Variants in ENPP6 observed in about 807,000 individuals in gnomAD.
The protein encoded by ENPP6 is ectonucleotide pyrophosphatase/phosphodiesterase 6, also known as glycerophosphocholine cholinephosphodiesterase ENPP6.
Under a neutral mutation model 42.0 loss-of-function variants are expected in ENPP6, and 32 were observed. That is an observed-to-expected ratio of 0.76 (90% CI 0.58 to 1.02). The LOEUF is 1.02. Ranked by LOEUF, ENPP6 falls within the 50% of genes least tolerant of loss-of-function variation. The probability of loss-of-function intolerance (pLI) is 0.00; values close to 1 mark genes in which losing one functional copy is unlikely to be tolerated. For synonymous variants in ENPP6, 213 were observed against 216.0 expected, an observed-to-expected ratio of 0.99 and a Z score of 0.12; for missense variants, 552 against 566.8, an observed-to-expected ratio of 0.97 and a Z score of 0.27.
In ENPP6 at chr4:184,130,526, C is replaced by T. The variant is rs1736583719; in HGVS notation, c.422-6254G>A. ...TGAGCCGAGATCACACCACTGCACT[C>T]CAGCCTGGGCCACAGAGCGAGACTC... On this transcript the variant is annotated intron_variant, in intron 2 of 7. Transcript: ENST00000296741. Among the ~76,000 whole-genome samples the T allele has an allele frequency of 2.5e-5, 2 of 80,078 alleles. 1 individual carries two copies. The highest frequency in any genetic ancestry group is 8.0e-4 in the South Asian group (2 of 2,508). 52.5% of individuals were successfully genotyped at this position (80,078 alleles called of 152,430 possible).
At chr4:184,098,835 C>G (rs1304951662) in intron 6 of ENPP6, among the ~76,000 whole-genome samples, 1 of 152,342 alleles carries the variant, frequency 6.6e-6, no homozygotes, top group Non-Finnish European at 1.5e-5. Flanking sequence ...ACGGCCCATC[C>G]TTGCTAGGCA....
chr4:184,131,300 C>T (rs897640837), intron 2 of ENPP6, among the ~76,000 whole-genome samples: 2 of 143,078 alleles, frequency 1.4e-5, no homozygotes, highest in Admixed American at 7.2e-5. Flanking sequence ...TCCTTCCTTC[C>T]TTCCTTCCTT....
rs1202197464 is a variant in ENPP6, at chr4:184,217,784, A to C, written c.36T>G (p.Leu12=). The part of the protein sequence containing the change: ...AVKLGTLLLA[L]ALGLAQPASA... ...AGGCTGGCTGGGCCAGGCCCAGGGC[A>C]AGGGCCAGCAGGAGGGTCCCAAGCT... Residue 12 remains leucine, a synonymous_variant, in exon 1 of 8, where the codon CTT becomes CTG. Transcript: ENST00000296741. The C allele has an allele frequency of 1.9e-6, 3 of 1,613,868 alleles. No homozygotes were observed. The highest frequency in any genetic ancestry group is 2.5e-6 in the Non-Finnish European group (3 of 1,180,014).
intron 1 of ENPP6, among the ~76,000 whole-genome samples, chr4:184,199,603 G>A (rs1207797090): frequency 2.6e-5 from 4 of 152,182 alleles, no homozygotes; most frequent in Non-Finnish European, 5.9e-5. Context: ...CAAGGCTTGG[G>A]TGCCACTTAG....
intron 3 of ENPP6, 103 bp from the exon 4 acceptor site, chr4:184,118,003 C>G (rs1378743582): frequency 1.3e-5 from 19 of 1,428,524 alleles, no homozygotes; most frequent in Non-Finnish European, 1.4e-5. Flanking sequence ...CCCCCCGAAA[C>G]CTTGTCCCTG....
intron 1 of ENPP6, among the ~76,000 whole-genome samples, chr4:184,154,688 C>A (rs1005368322): frequency 6.6e-6 from 1 of 151,150 alleles, no homozygotes; most frequent in African/African-American, 2.4e-5. Flanking sequence ...AATGGAAAAA[C>A]CTTTCATTTC....
At chr4:184,127,296 A>G (rs989311665) in intron 2 of ENPP6, among the ~76,000 whole-genome samples, 2 of 152,192 alleles carry the variant, frequency 1.3e-5, no homozygotes, top group Non-Finnish European at 2.9e-5. Flanking sequence ...AATAACCATT[A>G]GGAAAAAAAC....
intron 1 of ENPP6, among the ~76,000 whole-genome samples, chr4:184,174,487 A>G (rs955059546): frequency 6.6e-6 from 1 of 152,166 alleles, no homozygotes. Context: ...CCTTGTAAGA[A>G]TGGAAACATC....
chr4:184,186,416 T>G (rs983323570), intron 1 of ENPP6, among the ~76,000 whole-genome samples: 2 of 152,048 alleles, frequency 1.3e-5, no homozygotes, highest in African/African-American at 4.8e-5. Flanking sequence ...GGCGGGGTGG[T>G]GGCAAATGGG....
At chr4:184,101,424 T>C (rs569831974) in intron 6 of ENPP6, among the ~76,000 whole-genome samples, 5 of 148,598 alleles carry the variant, frequency 3.4e-5, no homozygotes, top group African/African-American at 1.2e-4. Flanking sequence ...ATAAAGAGGG[T>C]GGGGTCGCTC....
Position 184,097,272 on chromosome 4 carries a change from G to C in ENPP6, c.1090C>G (p.Arg364Gly). Residue 364 changes from arginine (R) to glycine (G), a missense_variant, in exon 7 of 8, where the codon CGG becomes GGG. Around this residue, in one of 2 missense-constraint regions of ENPP6, gnomAD observed 545 missense variants for 546.3 expected, o/e 1.00. Transcript: ENST00000296741. The part of the protein sequence containing the change: ...HGYDNELMDM[R>G]GIFLAFGPDF... ...GGTCCGAAGGCCAGGAAGATGCCCC[G>C]CATGTCCATGAGCTCGTTGTCGTAG... 1 of 1,614,184 alleles carries C rather than the reference G, an allele frequency of 6.2e-7. No homozygotes were observed. Among genetic ancestry groups the C allele is most frequent in the Non-Finnish European group, 8.5e-7 (1 of 1,180,020 alleles).
chr4:184,129,577 A>T (rs1736561795), intron 2 of ENPP6, among the ~76,000 whole-genome samples: 1 of 152,194 alleles, frequency 6.6e-6, no homozygotes, highest in Non-Finnish European at 1.5e-5. Context: ...TATGGTCTAC[A>T]TGCTTTGCCT....
At chr4:184,157,537 CTCCTTTCTT>C (rs1737184908) in intron 1 of ENPP6, among the ~76,000 whole-genome samples, 2 of 142,048 alleles carry the variant, frequency 1.4e-5, no homozygotes, top group African/African-American at 2.6e-5. Context: ...CTTTCTCTCT[CTCCTTTCTT>C]TCCTTTCTCT....
At chr4:184,143,672 T>A (rs920702254) in intron 2 of ENPP6, among the ~76,000 whole-genome samples, 2 of 152,226 alleles carry the variant, frequency 1.3e-5, no homozygotes, top group Non-Finnish European at 1.5e-5. Context: ...ATCTGGAACA[T>A]GGCTCCTGCT....
In ENPP6 at chr4:184,150,679, C is replaced by T. The variant is rs372586134; in HGVS notation, c.421+2875G>A. Among the ~76,000 whole-genome samples the T allele has an allele frequency of 1.6e-3, 250 of 152,352 alleles. 6 individuals are homozygous for T. In the South Asian group the frequency reaches 0.049, roughly 30 times the overall value. On this transcript the variant is annotated intron_variant, in intron 2 of 7. Transcript: ENST00000296741. ...GGGCTGGCAGCAGAGACAGCTGGCT[C>T]TCTGAGAGTTTCATTTGAGTATCCA... is the stretch of plus-strand genomic sequence containing the variant.
chr4:184,175,468 C>T (rs1223321988), intron 1 of ENPP6, among the ~76,000 whole-genome samples: 1 of 152,076 alleles, frequency 6.6e-6, no homozygotes, highest in Non-Finnish European at 1.5e-5. Context: ...TCTTCTACAC[C>T]ACTATGAGTT....
At chr4:184,163,670 C>T (rs979810973) in intron 1 of ENPP6, among the ~76,000 whole-genome samples, 3 of 152,216 alleles carry the variant, frequency 2.0e-5, no homozygotes, top group African/African-American at 7.2e-5. Flanking sequence ...ATTGCATGAA[C>T]GCTTTCTTAA....
intron 1 of ENPP6, among the ~76,000 whole-genome samples, chr4:184,182,798 G>T (rs140449879): frequency 6.6e-6 from 1 of 152,210 alleles, no homozygotes; most frequent in Non-Finnish European, 1.5e-5. Context: ...ACAAGTGGGA[G>T]CTGAACAATG....
At chr4:184,147,210 A>G (rs1024903588) in intron 2 of ENPP6, among the ~76,000 whole-genome samples, 1 of 151,976 alleles carries the variant, frequency 6.6e-6, no homozygotes, top group African/African-American at 2.4e-5. Context: ...TTACTCCCAA[A>G]TCCAATCCAT....
Sources: allele counts gnomAD v4.1 joint callset (sites outside exome capture counted in the v4.1 genomes callset), GRCh38; gene constraint gnomAD v4.1.1; regional missense constraint gnomAD v4.1.1; transcripts MANE v1.5; gene names NCBI Gene and HGNC (gene_info 2026-07-23, HGNC 2026-07-21).